Variants in PTPRD observed in about 807,000 individuals in gnomAD.
PTPRD encodes the protein protein tyrosine phosphatase receptor type D.
PTPRD carries 34 observed loss-of-function variants against 214.5 expected under a neutral mutation model. The ratio of observed to expected loss-of-function variants is 0.16; its 90% CI spans 0.12 to 0.21. The LOEUF (loss-of-function observed/expected upper bound fraction) is 0.21. Ranked by LOEUF, PTPRD falls within the 10% of genes least tolerant of loss-of-function variation. The pLI, the probability that PTPRD is intolerant of heterozygous loss-of-function variation, is 1.00. For missense variants in PTPRD, 2,545 were observed against 2,398.7 expected, an observed-to-expected ratio of 1.06 and a Z score of -1.27; for synonymous variants, 1,128 against 845.7, an observed-to-expected ratio of 1.33 and a Z score of -5.79.
chr9:8,525,277 A>G, intron 17 of PTPRD: 2 of 620,160 alleles, frequency 3.2e-6, no homozygotes. Context: ...TTCCCAAGCA[A>G]GACTTCTAGT....
At chr9:9,214,468 A>C (rs2099950829) in intron 9 of PTPRD, among the ~76,000 whole-genome samples, 1 of 149,776 alleles carries the variant, frequency 6.7e-6, no homozygotes, top group Non-Finnish European at 1.5e-5. Flanking sequence ...ACGTTAAAGC[A>C]GTTAAGGGAG....
intron 5 of PTPRD, among the ~76,000 whole-genome samples, chr9:9,893,142 C>T (rs552525902): frequency 1.2e-4 from 18 of 152,096 alleles, no homozygotes; most frequent in African/African-American, 4.3e-4. Context: ...ATAATCAGAG[C>T]TATGATCTTG....
intron 2 of PTPRD, among the ~76,000 whole-genome samples, chr9:10,428,969 G>A (rs1369160892): frequency 6.6e-6 from 1 of 151,958 alleles, no homozygotes; most frequent in Non-Finnish European, 1.5e-5. Context: ...AATAGTACCT[G>A]TCGCATAGGG....
At chr9:9,175,374 G>T (rs1038690320) in intron 10 of PTPRD, among the ~76,000 whole-genome samples, 2 of 151,952 alleles carry the variant, frequency 1.3e-5, no homozygotes, top group African/African-American at 2.4e-5. Flanking sequence ...TGTAATCCCA[G>T]CACTTTGGGA....
chr9:8,411,287 A>T (rs1459834401), intron 35 of PTPRD, among the ~76,000 whole-genome samples: 1 of 151,570 alleles, frequency 6.6e-6, no homozygotes, highest in Non-Finnish European at 1.5e-5. Flanking sequence ...CTTTTTTAAA[A>T]TTTTTTATTT....
intron 8 of PTPRD, among the ~76,000 whole-genome samples, chr9:9,451,293 G>C (rs1049987886): frequency 7.3e-5 from 11 of 151,412 alleles, no homozygotes; most frequent in African/African-American, 2.4e-4. Context: ...ATAAACACAA[G>C]GCTATAGGAA....
intron 4 of PTPRD, among the ~76,000 whole-genome samples, chr9:9,963,570 G>C (rs940578732): frequency 2.0e-5 from 3 of 152,130 alleles, no homozygotes; most frequent in Non-Finnish European, 4.4e-5. Flanking sequence ...CTTTACACAA[G>C]TATAGAGTTT....
intron 3 of PTPRD, among the ~76,000 whole-genome samples, chr9:10,172,122 C>CA (rs1260747218): frequency 6.6e-6 from 1 of 152,068 alleles, no homozygotes; most frequent in African/African-American, 2.4e-5. Context: ...CTTAAGGAGT[C>CA]AAAATCTAAA....
At chr9:9,901,786 AAACTT>A (rs1301817556) in intron 5 of PTPRD, among the ~76,000 whole-genome samples, 1 of 152,154 alleles carries the variant, frequency 6.6e-6, no homozygotes, top group Non-Finnish European at 1.5e-5. Context: ...AGGCCCCAGG[AAACTT>A]ACAATCATGG....
chr9:9,824,484 A>T (rs1482298823), intron 5 of PTPRD, among the ~76,000 whole-genome samples: 1 of 151,994 alleles, frequency 6.6e-6, no homozygotes, highest in East Asian at 1.9e-4. Flanking sequence ...ACAGCTTTAT[A>T]TTACTTCTGT....
At chr9:9,628,894 C>T (rs2095502441) in intron 7 of PTPRD, among the ~76,000 whole-genome samples, 1 of 151,690 alleles carries the variant, frequency 6.6e-6, no homozygotes, top group Non-Finnish European at 1.5e-5. Context: ...TACATAGTGG[C>T]CAGGTGCAGT....
intron 10 of PTPRD, among the ~76,000 whole-genome samples, chr9:9,123,099 T>G (rs550488238): frequency 4.2e-4 from 64 of 152,316 alleles, no homozygotes; most frequent in Middle Eastern, 3.4e-3. Context: ...CTGCTCTGTT[T>G]GTGCAGCAGA....
At chr9:8,706,710 A>G (rs1467706795) in intron 12 of PTPRD, among the ~76,000 whole-genome samples, 1 of 152,214 alleles carries the variant, frequency 6.6e-6, no homozygotes, top group East Asian at 1.9e-4. Context: ...GATGTACCCA[A>G]GCAAAGCACA....
intron 5 of PTPRD, among the ~76,000 whole-genome samples, chr9:9,900,557 C>T (rs1017513059): frequency 2.6e-5 from 4 of 152,012 alleles, no homozygotes; most frequent in African/African-American, 4.8e-5. Context: ...AACTTTCTTT[C>T]GTCATCCTGT....
At chr9:9,923,024 A>G (rs897156409) in intron 5 of PTPRD, among the ~76,000 whole-genome samples, 1 of 151,942 alleles carries the variant, frequency 6.6e-6, no homozygotes, top group African/African-American at 2.4e-5. Flanking sequence ...GGTAAGTAAG[A>G]CTATCTTTAT....
intron 3 of PTPRD, among the ~76,000 whole-genome samples, chr9:10,215,269 G>A (rs1323043041): frequency 6.6e-6 from 1 of 151,364 alleles, no homozygotes; most frequent in Admixed American, 6.6e-5. Context: ...ATTGACTGAT[G>A]GATTTGGAGA....
intron 11 of PTPRD, among the ~76,000 whole-genome samples, chr9:8,740,087 A>G (rs931080250): frequency 6.6e-6 from 1 of 152,098 alleles, no homozygotes; most frequent in Non-Finnish European, 1.5e-5. Context: ...CAAATAAAAG[A>G]TTTCATTTTT....
intron 11 of PTPRD, among the ~76,000 whole-genome samples, chr9:8,751,406 A>T (rs10815928): frequency 0.54 from 78,095 of 144,976 alleles, 23,547 homozygotes; most frequent in Non-Finnish European, 0.66. Flanking sequence ...CTCACTTAAA[A>T]AAAAAAAAGA....
chr9:10,511,359 G>A (rs559519514), intron 2 of PTPRD, among the ~76,000 whole-genome samples: 4 of 151,976 alleles, frequency 2.6e-5, no homozygotes, highest in African/African-American at 7.2e-5. Context: ...CTTCCAAAGC[G>A]GTTGTACCAC....
Sources: gnomAD v4.1 joint callset for allele counts (sites outside exome capture counted in the v4.1 genomes callset) on GRCh38, gnomAD v4.1.1 for gene constraint, MANE v1.5 for transcripts, NCBI Gene and HGNC (gene_info 2026-07-23, HGNC 2026-07-21) for gene names.